DCHS1: variants seen among roughly 807,000 people sequenced by gnomAD.
DCHS1 encodes the protein protocadherin-16.
A neutral mutation model predicts 213.9 loss-of-function variants in DCHS1; 78 were observed. That is an observed-to-expected ratio of 0.36 (90% CI 0.30 to 0.44). The LOEUF (loss-of-function observed/expected upper bound fraction) is 0.44, where lower values mean the gene tolerates loss of function less well. DCHS1 is among the 20% of genes least tolerant of loss of function. The pLI is 1.00. For missense variants in DCHS1, 3,946 were observed against 4,395.9 expected (o/e 0.90, Z 2.89); for synonymous variants, 1,828 against 1,873.7 (o/e 0.98, Z 0.63).
At chr11:6,644,437 G>A (rs375246507) in intron 1 of DCHS1, among the ~76,000 whole-genome samples, 7 of 152,256 alleles carry the variant, frequency 4.6e-5, no homozygotes, top group African/African-American at 1.7e-4. Flanking sequence ...ATTTGCTACT[G>A]TTTTGTCATG....
rs1324051994 is a variant in DCHS1, at chr11:6,641,724, G to A, written c.-111C>T. On this transcript the variant is annotated 5_prime_UTR_variant, in exon 2 of 21. Transcript: ENST00000299441. This position sits in a 1 kb window ranked among gnomAD's most constrained non-coding sequence, Gnocchi z 7.1. The stretch of plus-strand genomic sequence containing the variant: ...CACTGGGGCCCTGGCTCCAGCTCAG[G>A]CTCCCTGACCTGGGAGAAAACAGAA... The A allele has an allele frequency of 4.3e-5, 62 of 1,443,246 alleles. No individual in the cohort carries two copies. In the East Asian group the frequency reaches 1.1e-3, roughly 25 times the overall value. 89.4% of individuals were successfully genotyped at this position (1,443,246 alleles called of 1,614,324 possible). A position where few individuals can be genotyped will look rare whatever the true frequency, so the allele number is the denominator to read the frequency against.
In DCHS1 at chr11:6,629,818, G is replaced by C; in HGVS notation, c.4889C>G (p.Ser1630Trp). 6.2e-7 allele frequency: 1 copy of C among 1,613,176 alleles called. No individual in the cohort carries two copies. The highest frequency in any genetic ancestry group is 8.5e-7 in the Non-Finnish European group (1 of 1,179,892). The change falls in exon 11 of 21, where the codon TCG becomes TGG. Residue 1630 changes from serine (S) to tryptophan (W), a missense_variant. Ser to Trp is a radical substitution (Grantham distance 177, BLOSUM62 -3). Transcript: ENST00000299441. ...ACTGACGGTCAGGACCTGCGTGGCC[G>C]AGCGCGGCGGGGAGCCGTGGTCTGA... ...VASDHGSPPRSATQVLTVSVA... is the reference protein window; with the variant it reads ...VASDHGSPPRWATQVLTVSVA...
chr11:6,640,021 A>T lies in DCHS1; in HGVS notation c.1593T>A (p.Thr531=). The T allele has an allele frequency of 3.7e-6, 6 of 1,613,926 alleles. No homozygotes were observed. The highest frequency in any genetic ancestry group is 5.1e-6 in the Non-Finnish European group (6 of 1,179,792). ...ACTCATAGTCCAGTGAGGCAGCCGTAGTGATAATGCCTGAGGTGGGGTCAA... is the reference window on the plus strand; with the variant it reads ...ACTCATAGTCCAGTGAGGCAGCCGTTGTGATAATGCCTGAGGTGGGGTCAA... The part of the protein sequence containing the change: ...FSIDPTSGII[T]TAASLDYELE... The change falls in exon 2 of 21, where the codon ACT becomes ACA. Residue 531 remains threonine, a synonymous_variant. Coordinates refer to ENST00000299441, the MANE Select transcript of DCHS1 (RefSeq NM_003737.4). This position sits in a 1 kb window ranked among gnomAD's most constrained non-coding sequence, Gnocchi z 6.5.
intron 1 of DCHS1, among the ~76,000 whole-genome samples, chr11:6,649,602 T>A (rs886850410): frequency 2.6e-5 from 4 of 152,134 alleles, no homozygotes; most frequent in African/African-American, 9.7e-5. Flanking sequence ...ACTTACCATG[T>A]GCCAAATGCC....
intron 1 of DCHS1, among the ~76,000 whole-genome samples, chr11:6,654,919 G>A (rs1238645082): frequency 6.6e-6 from 1 of 152,028 alleles, no homozygotes; most frequent in East Asian, 1.9e-4. Flanking sequence ...CCCCTGCACG[G>A]GATTCTGAGC....
Position 6,628,747 on chromosome 11 carries a change from G to A in DCHS1, c.5245C>T (p.Pro1749Ser). 6.2e-7 allele frequency: 1 copy of A among 1,614,024 alleles called. No homozygotes were observed. The highest frequency in any genetic ancestry group is 8.5e-7 in the Non-Finnish European group (1 of 1,179,906). The change falls in exon 13 of 21, where the codon CCA becomes TCA. Residue 1749 changes from proline (P) to serine (S), a missense_variant. Coordinates refer to ENST00000299441, the MANE Select transcript of DCHS1 (RefSeq NM_003737.4). This position sits in a 1 kb window ranked among gnomAD's most constrained non-coding sequence, Gnocchi z 4.3. Reference protein sequence around the residue: ...VAVEDENDHAPTFGSAHLSLE... With the variant: ...VAVEDENDHASTFGSAHLSLE... Reference sequence around the variant, plus strand: ...GAGAGATGGGCACTCCCAAAGGTTGGTGCATGGTCATTCTCATCCTCCACA... The same window carrying A: ...GAGAGATGGGCACTCCCAAAGGTTGATGCATGGTCATTCTCATCCTCCACA...
intron 12 of DCHS1, 140 bp downstream of exon 12, chr11:6,629,312 C>T (rs1855862322): frequency 2.4e-6 from 3 of 1,252,932 alleles, no homozygotes; most frequent in Admixed American, 2.7e-5. Context: ...CTCGACTCCC[C>T]AAAAGGGTCC....
intron 1 of DCHS1, 41 bp downstream of exon 1, chr11:6,655,522 G>C (rs1057367077): frequency 2.9e-5 from 28 of 975,594 alleles, no homozygotes; most frequent in Non-Finnish European, 3.2e-5. Flanking sequence ...GGCGGGCAGG[G>C]CGGGCGCGGC....
chr11:6,632,448 C>T lies in DCHS1; in HGVS notation c.3064G>A (p.Val1022Met). ...CCCCCATCTGGTGCTTGGGCCTGCA[C>T]TTGCAGGACCTGAGTTCCAGCAGTG... ...GTTAGTQVLQ[V>M]QAQAPDGGPI... Residue 1022 changes from valine (V) to methionine (M), a missense_variant, in exon 6 of 21, where the codon GTG becomes ATG. Val to Met is a conservative substitution (Grantham distance 21). This residue lies in a region of DCHS1 where 3,384 missense variants were observed against 3,780.1 expected (regional missense o/e 0.90). Coordinates refer to ENST00000299441, the MANE Select transcript of DCHS1 (RefSeq NM_003737.4). The surrounding 1 kb of genome is among the most constrained non-coding windows in gnomAD (Gnocchi z 5.9). The T allele has an allele frequency of 1.2e-6, 2 of 1,600,542 alleles. No individual in the cohort carries two copies. The highest frequency in any genetic ancestry group is 8.5e-7 in the Non-Finnish European group (1 of 1,171,476).
Position 6,631,222 on chromosome 11 carries a change from C to T in DCHS1, c.3773-12G>A, listed in dbSNP as rs1696460279. 1.2e-6 allele frequency: 2 copies of T among 1,612,274 alleles called. No homozygotes were observed. ...CTCTGAGCCAGGACCTGGGGACAGG[C>T]AGAGGAAGATGAGGGCTTGGGGCCC... On this transcript the variant is annotated splice_polypyrimidine_tract_variant and intron_variant, in intron 8 of 20. Transcript: ENST00000299441.
chr11:6,646,808 G>A (rs962701765), intron 1 of DCHS1, among the ~76,000 whole-genome samples: 1 of 152,132 alleles, frequency 6.6e-6, no homozygotes, highest in Non-Finnish European at 1.5e-5. Flanking sequence ...GAAACGTGAT[G>A]TCAATTCCCC....
At position 6,624,767 on chromosome 11, in the gene DCHS1, A is replaced by G. The variant is rs1219009062; in HGVS notation, c.7248T>C (p.Ala2416=). The G allele has an allele frequency of 6.2e-7, 1 of 1,613,798 alleles. No homozygotes were observed. Among genetic ancestry groups the G allele is most frequent in the African/African-American group, 1.3e-5 (1 of 74,946 alleles). The stretch of plus-strand genomic sequence containing the variant: ...CAACACTGAAGCCATCGGCAGGGGA[A>G]GCCAGGTGGTAGGAAATGTGACCGT... ...GANGHISYHL[A]SPADGFSVDP... The change falls in exon 20 of 21, where the codon GCT becomes GCC. Residue 2416 remains alanine, a synonymous_variant. Coordinates refer to ENST00000299441, the MANE Select transcript of DCHS1 (RefSeq NM_003737.4).
In DCHS1 at chr11:6,625,073, T is replaced by C. The variant is rs1416435470; in HGVS notation, c.7146+125A>G. Reference sequence around the variant, plus strand: ...AAACCAGGATGTAGTTCACAGGACTTGGGACCTTCCCATTCCCAGATCAGC... The same window carrying C: ...AAACCAGGATGTAGTTCACAGGACTCGGGACCTTCCCATTCCCAGATCAGC... On this transcript the variant is annotated intron_variant, in intron 19 of 20. Transcript: ENST00000299441. This position sits in a 1 kb window ranked among gnomAD's most constrained non-coding sequence, Gnocchi z 5.3. 2 of 1,426,026 alleles carry C rather than the reference T, an allele frequency of 1.4e-6. No individual in the cohort carries two copies. The highest frequency in any genetic ancestry group is 2.3e-5 in the East Asian group (1 of 42,832). 88.3% of individuals were successfully genotyped at this position (1,426,026 alleles called of 1,614,324 possible).
Position 6,628,559 on chromosome 11 carries a change from CAAG to C in DCHS1, c.5371+59_5371+61del, listed in dbSNP as rs1286487574. On this transcript the variant is annotated intron_variant, in intron 13 of 20. Coordinates refer to ENST00000299441, the MANE Select transcript of DCHS1 (RefSeq NM_003737.4). This position sits in a 1 kb window ranked among gnomAD's most constrained non-coding sequence, Gnocchi z 4.3. ...CACATGCACTGAGGCTGACAGCAGC[CAAG>C]AAGGAGCAAGAACCAGGCAAGTGGG... 5 of 1,593,158 alleles carry C rather than the reference CAAG, an allele frequency of 3.1e-6. No individual in the cohort carries two copies. Among genetic ancestry groups the C allele is most frequent in the East Asian group, 4.5e-5 (2 of 44,674 alleles).
chr11:6,653,167 G>A (rs557458355), intron 1 of DCHS1, among the ~76,000 whole-genome samples: 21 of 152,108 alleles, frequency 1.4e-4, no homozygotes, highest in African/African-American at 3.9e-4. Flanking sequence ...TCCCTCTCTC[G>A]TCACCTCATG....
Position 6,621,948 on chromosome 11 carries a change from C to T in DCHS1, c.9728G>A (p.Gly3243Asp), listed in dbSNP as rs778012430. ...ASHRSPISHE[G>D]SLSSAAMSPS... Reference sequence around the variant, plus strand: ...GGACATGGCAGCTGAGGACAGGGAGCCTTCATGGCTGATGGGGGAGCGGTG... The same window carrying T: ...GGACATGGCAGCTGAGGACAGGGAGTCTTCATGGCTGATGGGGGAGCGGTG... Residue 3243 changes from glycine to aspartate, a missense_variant, in exon 21 of 21, where the codon GGC becomes GAC. Gly to Asp is a moderately conservative substitution (Grantham distance 94, BLOSUM62 -1). Coordinates refer to ENST00000299441, the MANE Select transcript of DCHS1 (RefSeq NM_003737.4). 6.2e-7 allele frequency: 1 copy of T among 1,613,162 alleles called. No individual in the cohort carries two copies. The highest frequency in any genetic ancestry group is 1.7e-5 in the Admixed American group (1 of 59,932).
intron 1 of DCHS1, among the ~76,000 whole-genome samples, chr11:6,654,100 C>A (rs1856282719): frequency 6.6e-6 from 1 of 152,110 alleles, no homozygotes. Context: ...TTTCAGGGAA[C>A]AAGAGGGTAT....
intron 20 of DCHS1, 129 bp from the exon 21 acceptor site, chr11:6,624,519 C>G: frequency 7.7e-7 from 1 of 1,303,594 alleles, no homozygotes; most frequent in Non-Finnish European, 1.0e-6. Flanking sequence ...TGCTGGGAGA[C>G]AAGGGGATGG....
At chr11:6,646,643 T>C (rs1034939382) in intron 1 of DCHS1, among the ~76,000 whole-genome samples, 3 of 152,188 alleles carry the variant, frequency 2.0e-5, no homozygotes, top group African/African-American at 7.2e-5. Flanking sequence ...TCCCACCTGA[T>C]TCTGCCTTGC....
Sources: allele counts gnomAD v4.1 joint callset (sites outside exome capture counted in the v4.1 genomes callset), GRCh38; gene constraint gnomAD v4.1.1; regional missense constraint gnomAD v4.1.1; non-coding constraint Gnocchi (gnomAD v3.1); transcripts MANE v1.5; gene names NCBI Gene and HGNC (gene_info 2026-07-23, HGNC 2026-07-21).